The following ATRNL1 variants were observed in gnomAD, a reference collection of about 807,000 sequenced individuals.
ATRNL1 encodes the protein attractin like 1.
ATRNL1 carries 95 observed loss-of-function variants against 182.7 expected under a neutral mutation model. The ratio of observed to expected loss-of-function variants is 0.52; its 90% CI spans 0.44 to 0.62. The LOEUF is 0.62. Among genes scored for constraint, ATRNL1 ranks in the 20% least tolerant of loss-of-function variants. The pLI, the probability that ATRNL1 is intolerant of heterozygous loss-of-function variation, is 0.00. For synonymous variants in ATRNL1, 576 were observed against 568.3 expected, an observed-to-expected ratio of 1.01 and a Z score of -0.19; for missense variants, 1,471 against 1,679.5, an observed-to-expected ratio of 0.88 and a Z score of 2.17.
At chr10:115,136,359 C>T (rs1845515036) in intron 5 of ATRNL1, among the ~76,000 whole-genome samples, 1 of 152,086 alleles carries the variant, frequency 6.6e-6, no homozygotes, top group South Asian at 2.1e-4. Context: ...TACCTCCTGC[C>T]CCAATGCATA....
At chr10:115,169,020 T>TC (rs1257130238) in intron 7 of ATRNL1, among the ~76,000 whole-genome samples, 3 of 149,020 alleles carry the variant, frequency 2.0e-5, no homozygotes, top group African/African-American at 7.3e-5. Context: ...GCAAGTTCTT[T>TC]TTTTTTTTTT....
intron 19 of ATRNL1, among the ~76,000 whole-genome samples, chr10:115,350,679 C>T (rs1457791231): frequency 6.6e-6 from 1 of 151,998 alleles, no homozygotes; most frequent in African/African-American, 2.4e-5. Flanking sequence ...AGCTGTATAC[C>T]ATAATTCGAA....
At chr10:115,743,238 T>A (rs373601485) in intron 27 of ATRNL1, among the ~76,000 whole-genome samples, 3 of 115,986 alleles carry the variant, frequency 2.6e-5, no homozygotes, top group Non-Finnish European at 3.4e-5. Flanking sequence ...TCTCTTATAG[T>A]AAAAAAAAAA....
intron 27 of ATRNL1, among the ~76,000 whole-genome samples, chr10:115,828,332 GAAA>G (rs1555092624): frequency 2.7e-5 from 4 of 149,428 alleles, no homozygotes; most frequent in African/African-American, 1.0e-4. Flanking sequence ...AAAAAGAAAA[GAAA>G]AGAAAAGAAA....
chr10:115,831,769 T>C (rs5788117), intron 27 of ATRNL1, among the ~76,000 whole-genome samples: 18 of 44,264 alleles, frequency 4.1e-4, no homozygotes, highest in South Asian at 7.5e-4. Flanking sequence ...TCAAGTGAGT[T>C]TTTTTTTTTC....
At chr10:115,177,923 T>TTTTTTTTTTTTTTTTTTTTTTTG (rs1847591088) in intron 8 of ATRNL1, among the ~76,000 whole-genome samples, 1 of 121,470 alleles carries the variant, frequency 8.2e-6, no homozygotes, top group Non-Finnish European at 1.7e-5. Context: ...TTTTTTTTTT[T>TTTTTTTTTTTTTTTTTTTTTTTG]GTTTTTTTTT....
rs1249035537 is a variant in ATRNL1 at position 115,702,118 on chromosome 10, T to A, written c.3796-25130T>A. On this transcript the variant is annotated intron_variant, in intron 26 of 28. Coordinates refer to ENST00000355044, the MANE Select transcript of ATRNL1 (RefSeq NM_207303.4). The stretch of plus-strand genomic sequence containing the variant: ...TGGCATGTAAGGTTGGTTCAACATA[T>A]GCAAATAAATAAATGTGATTCAACA... Among the ~76,000 whole-genome samples, 4 of 151,998 alleles carry A rather than the reference T, an allele frequency of 2.6e-5. No homozygotes were observed. The East Asian group carries it at 7.7e-4, about 29-fold the overall frequency.
chr10:115,401,108 A>G (rs1844543610), intron 20 of ATRNL1, among the ~76,000 whole-genome samples: 1 of 151,988 alleles, frequency 6.6e-6, no homozygotes, highest in Non-Finnish European at 1.5e-5. Context: ...ACCCCCTAGA[A>G]CTTCATAGGT....
At chr10:115,311,906 C>G (rs929069750) in intron 17 of ATRNL1, among the ~76,000 whole-genome samples, 1 of 150,706 alleles carries the variant, frequency 6.6e-6, no homozygotes, top group Non-Finnish European at 1.5e-5. Flanking sequence ...TCTGTTTTCT[C>G]TGATACAAGA....
intron 27 of ATRNL1, among the ~76,000 whole-genome samples, chr10:115,747,947 T>G (rs1314745984): frequency 1.3e-5 from 2 of 152,028 alleles, no homozygotes; most frequent in Admixed American, 1.3e-4. Context: ...ATCTCATTCT[T>G]GAGAGTCTGG....
intron 17 of ATRNL1, among the ~76,000 whole-genome samples, chr10:115,305,394 G>C (rs986009996): frequency 1.3e-5 from 2 of 152,118 alleles, no homozygotes; most frequent in Non-Finnish European, 2.9e-5. Context: ...GGACATGGTT[G>C]GATGTATTAT....
At chr10:115,544,799 T>A (rs1005652032) in intron 25 of ATRNL1, among the ~76,000 whole-genome samples, 2 of 152,202 alleles carry the variant, frequency 1.3e-5, no homozygotes, top group Non-Finnish European at 2.9e-5. Flanking sequence ...AATTCTGTCA[T>A]TCTTCAGGTG....
At chr10:115,422,854 C>T (rs1273066488) in intron 20 of ATRNL1, among the ~76,000 whole-genome samples, 1 of 152,060 alleles carries the variant, frequency 6.6e-6, no homozygotes, top group Non-Finnish European at 1.5e-5. Flanking sequence ...ACAACAGACA[C>T]CAGAACCTAC....
intron 19 of ATRNL1, among the ~76,000 whole-genome samples, chr10:115,365,551 G>T (rs1235458038): frequency 8.6e-5 from 13 of 151,842 alleles, no homozygotes; most frequent in African/African-American, 2.9e-4. Context: ...GTTATTTCTT[G>T]CCTTCTGCTA....
At chr10:115,295,355 G>A (rs1028028570) in intron 15 of ATRNL1, among the ~76,000 whole-genome samples, 1 of 152,134 alleles carries the variant, frequency 6.6e-6, no homozygotes, top group South Asian at 2.1e-4. Context: ...CCCAGGATAT[G>A]CTTATATGGC....
Position 115,297,879 on chromosome 10 carries a change from A to T in ATRNL1, c.2416-2155A>T, listed in dbSNP as rs910388521. 5.9e-5 allele frequency among the ~76,000 whole-genome samples: 9 copies of T among 152,176 alleles called. No individual in the cohort carries two copies. The South Asian group carries it at 1.7e-3, about 28-fold the overall frequency. On this transcript the variant is annotated intron_variant, in intron 15 of 28. Coordinates refer to ENST00000355044, the MANE Select transcript of ATRNL1 (RefSeq NM_207303.4). ...CTTTTTTGAGATTGCATATTTCAAG[A>T]TTGTTATGTTAGTGTTCACTTTTTC... is the stretch of plus-strand genomic sequence containing the variant.
At chr10:115,811,194 T>TCAC (rs1950038767) in intron 27 of ATRNL1, among the ~76,000 whole-genome samples, 2 of 152,138 alleles carry the variant, frequency 1.3e-5, no homozygotes, top group South Asian at 4.1e-4. Context: ...TTTATTCAAT[T>TCAC]CACAACTTTT....
intron 24 of ATRNL1, among the ~76,000 whole-genome samples, chr10:115,479,060 T>C (rs911431041): frequency 6.6e-6 from 1 of 151,632 alleles, no homozygotes; most frequent in African/African-American, 2.4e-5. Context: ...AGGCAGGTTT[T>C]ATCTTTTCAG....
At chr10:115,645,447 GATTTATATATCTATATAATAT>G (rs1244461319) in intron 26 of ATRNL1, among the ~76,000 whole-genome samples, 2 of 146,332 alleles carry the variant, frequency 1.4e-5, no homozygotes, top group East Asian at 2.0e-4. Flanking sequence ...ATATAATATA[GATTTATATATCTATATAATAT>G]ATTTATATAT....
Sources: gnomAD v4.1 joint callset for allele counts (sites outside exome capture counted in the v4.1 genomes callset) on GRCh38, gnomAD v4.1.1 for gene constraint, MANE v1.5 for transcripts, NCBI Gene and HGNC (gene_info 2026-07-23, HGNC 2026-07-21) for gene names.